Variants in SLC25A21 observed in about 807,000 individuals in gnomAD.
SLC25A21 encodes the protein mitochondrial 2-oxodicarboxylate carrier.
Under a neutral mutation model 43.8 loss-of-function variants are expected in SLC25A21, and 47 were observed. That is an observed-to-expected ratio of 1.07 (90% CI 0.85 to 1.37). The LOEUF (loss-of-function observed/expected upper bound fraction) is 1.37, where lower values mean the gene tolerates loss of function less well. Ranked by LOEUF, SLC25A21 falls within the 40% of genes most tolerant of loss-of-function variation. The pLI is 0.00. For missense variants in SLC25A21, 352 were observed against 350.2 expected (o/e 1.00, Z -0.04); for synonymous variants, 131 against 121.3 (o/e 1.08, Z -0.52).
intron 1 of SLC25A21, among the ~76,000 whole-genome samples, chr14:37,068,143 A>G (rs1209148821): frequency 6.6e-6 from 1 of 152,262 alleles, no homozygotes; most frequent in Non-Finnish European, 1.5e-5. Flanking sequence ...CATAGTCACC[A>G]CATTGTGGAC....
intron 3 of SLC25A21, among the ~76,000 whole-genome samples, chr14:36,749,046 C>T (rs1885605011): frequency 6.6e-6 from 1 of 152,200 alleles, no homozygotes; most frequent in Non-Finnish European, 1.5e-5. Context: ...TTGGCCAATC[C>T]AATGTGGCCA....
chr14:36,706,589 C>T (rs1216794973), intron 7 of SLC25A21, among the ~76,000 whole-genome samples: 1 of 152,170 alleles, frequency 6.6e-6, no homozygotes, highest in Non-Finnish European at 1.5e-5. Flanking sequence ...CGTAATATTC[C>T]TCCATAAGCC....
chr14:37,077,274 G>A (rs942855270), intron 1 of SLC25A21, among the ~76,000 whole-genome samples: 1 of 152,126 alleles, frequency 6.6e-6, no homozygotes, highest in African/African-American at 2.4e-5. Flanking sequence ...TATTTATAAT[G>A]TGTTTAGAAA....
chr14:37,042,781 C>T (rs924784812), intron 1 of SLC25A21, among the ~76,000 whole-genome samples: 4 of 152,164 alleles, frequency 2.6e-5, no homozygotes, highest in Admixed American at 6.6e-5. Flanking sequence ...AATGGGTCCA[C>T]GCTAACCAAG....
At chr14:36,963,455 A>C (rs1382471242) in intron 1 of SLC25A21, among the ~76,000 whole-genome samples, 3 of 152,196 alleles carry the variant, frequency 2.0e-5, no homozygotes, top group Non-Finnish European at 4.4e-5. Flanking sequence ...AGGCACCATA[A>C]TAGTGCTATC....
In SLC25A21 at chr14:37,144,065, G is replaced by A. The variant is rs190680579; in HGVS notation, c.70+28216C>T. On this transcript the variant is annotated intron_variant, in intron 1 of 9. Coordinates refer to ENST00000331299, the MANE Select transcript of SLC25A21 (RefSeq NM_030631.4). ...TCTTGACTGAGAGCACTGATCCTTG[G>A]GGTCGAGGGCTTAGAAAAAAATACA... is the stretch of plus-strand genomic sequence containing the variant. 1.5e-3 allele frequency among the ~76,000 whole-genome samples: 229 copies of A among 152,214 alleles called. 1 individual carries two copies. The highest frequency in any genetic ancestry group is 5.4e-3 in the African/African-American group (223 of 41,538).
intron 1 of SLC25A21, among the ~76,000 whole-genome samples, chr14:37,026,390 T>C (rs545782348): frequency 6.6e-6 from 1 of 152,262 alleles, no homozygotes; most frequent in South Asian, 2.1e-4. Context: ...AATGTCTTTC[T>C]TACTGGCAAC....
At chr14:37,041,562 G>A (rs569281804) in intron 1 of SLC25A21, among the ~76,000 whole-genome samples, 1 of 152,276 alleles carries the variant, frequency 6.6e-6, no homozygotes, top group South Asian at 2.1e-4. Flanking sequence ...GCACATAGAT[G>A]TGATCTATTT....
At chr14:37,050,156 G>A (rs1961673974) in intron 1 of SLC25A21, among the ~76,000 whole-genome samples, 1 of 152,190 alleles carries the variant, frequency 6.6e-6, no homozygotes, top group African/African-American at 2.4e-5. Context: ...TGCCTTTAGT[G>A]TGAAGTGTGT....
At chr14:37,074,352 T>G (rs550122889) in intron 1 of SLC25A21, among the ~76,000 whole-genome samples, 6 of 152,332 alleles carry the variant, frequency 3.9e-5, no homozygotes, top group African/African-American at 1.4e-4. Context: ...TCTTCCTTGA[T>G]GGAATTAGAA....
At chr14:36,682,162 C>A (rs539076909) in intron 9 of SLC25A21, among the ~76,000 whole-genome samples, 28 of 145,986 alleles carry the variant, frequency 1.9e-4, no homozygotes, top group African/African-American at 7.5e-4. Context: ...TACTGTCTCT[C>A]TCTCATTCTT....
chr14:36,911,215 A>G (rs1386952824), intron 1 of SLC25A21, among the ~76,000 whole-genome samples: 1 of 152,230 alleles, frequency 6.6e-6, no homozygotes, highest in African/African-American at 2.4e-5. Context: ...ACGTGCTTTC[A>G]TGAATCAGAA....
Position 36,809,529 on chromosome 14 carries a change from T to A in SLC25A21, c.203+4389A>T, listed in dbSNP as rs371744861. Among the ~76,000 whole-genome samples, 14 of 152,200 alleles carry A rather than the reference T, an allele frequency of 9.2e-5. No individual in the cohort carries two copies. In the East Asian group the frequency reaches 2.3e-3, roughly 25 times the overall value. On this transcript the variant is annotated intron_variant, in intron 3 of 9. Coordinates refer to ENST00000331299, the MANE Select transcript of SLC25A21 (RefSeq NM_030631.4). ...TTTACGCTTTTTAAGAAGAAAAAAA[T>A]GTTAGAAACAGTAAAGGGATTTGGA...
At position 36,725,660 on chromosome 14, in the gene SLC25A21, T is replaced by A. The variant is rs2139213000; in HGVS notation, c.348A>T (p.Gly116=). 2 of 1,596,474 alleles carry A rather than the reference T, an allele frequency of 1.3e-6. No homozygotes were observed. The highest frequency in any genetic ancestry group is 1.7e-5 in the Admixed American group (1 of 57,524). Residue 116 remains glycine, a synonymous_variant, in exon 6 of 10, where the codon GGA becomes GGT. Transcript: ENST00000331299. The part of the protein sequence containing the change: ...LSPALTFAIA[G]LGSGLTEAIV... ...TGGCTTCTGTTAGTCCAGATCCCAA[T>A]CCAGCAATGGCGAATGTCTAGAAAA...
intron 1 of SLC25A21, among the ~76,000 whole-genome samples, chr14:37,139,013 C>T (rs1963528480): frequency 6.6e-6 from 1 of 152,048 alleles, no homozygotes; most frequent in Non-Finnish European, 1.5e-5. Context: ...ATAATCAGCT[C>T]TTTTGTACTA....
chr14:37,116,156 G>A (rs1963101816), intron 1 of SLC25A21, among the ~76,000 whole-genome samples: 1 of 151,970 alleles, frequency 6.6e-6, no homozygotes, highest in Admixed American at 6.6e-5. Flanking sequence ...CACTCAGCAA[G>A]CACTAAGCGA....
intron 1 of SLC25A21, among the ~76,000 whole-genome samples, chr14:37,026,072 A>G (rs1159049698): frequency 1.3e-5 from 2 of 152,114 alleles, no homozygotes; most frequent in Non-Finnish European, 2.9e-5. Context: ...ATCTCCCTAA[A>G]GACTAGACGT....
chr14:36,904,424 A>G (rs1891479697), intron 1 of SLC25A21, among the ~76,000 whole-genome samples: 1 of 152,134 alleles, frequency 6.6e-6, no homozygotes, highest in Non-Finnish European at 1.5e-5. Flanking sequence ...ATTTCTCTGG[A>G]ACTTAATAGG....
intron 1 of SLC25A21, among the ~76,000 whole-genome samples, chr14:37,022,004 C>G (rs1176419170): frequency 6.6e-6 from 1 of 151,430 alleles, no homozygotes; most frequent in Non-Finnish European, 1.5e-5. Context: ...AAAGGTGTGC[C>G]AGGGGCATTA....
Sources: allele counts gnomAD v4.1 joint callset (sites outside exome capture counted in the v4.1 genomes callset), GRCh38; gene constraint gnomAD v4.1.1; transcripts MANE v1.5; gene names NCBI Gene and HGNC (gene_info 2026-07-23, HGNC 2026-07-21).